NCOA3: variants seen among roughly 807,000 people sequenced by gnomAD.
NCOA3 encodes the protein CBP-interacting protein.
In NCOA3, 51 loss-of-function variants were observed where a neutral mutation model predicts 158.8. The ratio of observed to expected loss-of-function variants is 0.32; its 90% CI spans 0.26 to 0.41. The LOEUF is 0.41. NCOA3 is among the 10% of genes least tolerant of loss of function. The pLI, the probability that NCOA3 is intolerant of heterozygous loss-of-function variation, is 1.00. For synonymous variants in NCOA3, 537 were observed against 592.4 expected, an observed-to-expected ratio of 0.91 and a Z score of 1.36; for missense variants, 1,510 against 1,746.6, an observed-to-expected ratio of 0.86 and a Z score of 2.41.
chr20:47,506,111 C>G (rs2084028549), intron 1 of NCOA3, among the ~76,000 whole-genome samples: 1 of 152,060 alleles, frequency 6.6e-6, no homozygotes, highest in South Asian at 2.1e-4. Flanking sequence ...GGCCCATTTT[C>G]TCCCATTTTA....
In NCOA3 at chr20:47,507,597, C is replaced by T. The variant is rs557477078; in HGVS notation, c.-99+5578C>T. Among the ~76,000 whole-genome samples, 7 of 146,712 alleles carry T rather than the reference C, an allele frequency of 4.8e-5. No homozygotes were observed. The South Asian group carries it at 1.6e-3, about 34-fold the overall frequency. On this transcript the variant is annotated intron_variant, in intron 1 of 22. Transcript: ENST00000371998. ...TTAAATTTAACCCTGATCCTTAGAG[C>T]ACCCAACAACTTTTTGTTGTTGTTG... is the stretch of plus-strand genomic sequence containing the variant.
intron 1 of NCOA3, among the ~76,000 whole-genome samples, chr20:47,536,390 C>T (rs914066442): frequency 5.3e-5 from 8 of 152,186 alleles, no homozygotes; most frequent in Non-Finnish European, 1.2e-4. Flanking sequence ...GCCCCCTATC[C>T]GGCCAGTGAA....
chr20:47,639,230 A>T (rs1348717438), intron 14 of NCOA3, 28 bp downstream of exon 14: 2 of 1,551,992 alleles, frequency 1.3e-6, no homozygotes. Flanking sequence ...AGTATGTATG[A>T]TTATTTTGGG....
rs372613138 is a variant in NCOA3 at position 47,595,289 on chromosome 20, G to C, written c.-20+12028G>C. Among the ~76,000 whole-genome samples, 7 of 150,606 alleles carry C rather than the reference G, an allele frequency of 4.6e-5. No homozygotes were observed. In the East Asian group the frequency reaches 1.4e-3, roughly 30 times the overall value. ...AATTTTTTATTTTTAGTAGAGATGG[G>C]GTTTCACCATGTTGGCCAGGCTGGT... On this transcript the variant is annotated intron_variant, in intron 2 of 22. Coordinates refer to ENST00000371998, the MANE Select transcript of NCOA3 (RefSeq NM_181659.3).
chr20:47,535,982 C>T (rs1031270614), intron 1 of NCOA3, among the ~76,000 whole-genome samples: 3 of 152,034 alleles, frequency 2.0e-5, no homozygotes, highest in Admixed American at 6.6e-5. Context: ...GGCTGGCTGG[C>T]GCTGCTGGTG....
In NCOA3 at chr20:47,582,058, C is replaced by A. The variant is rs149227626; in HGVS notation, c.-98-1125C>A. Among the ~76,000 whole-genome samples, 747 of 152,082 alleles carry A rather than the reference C, an allele frequency of 4.9e-3. 8 individuals are homozygous for A. The highest frequency in any genetic ancestry group is 0.017 in the African/African-American group (710 of 41,474). ...GCACTGATTTTGGACAAATGAATAC[C>A]CCCACAAGTTCAGAGTACCCATCTG... On this transcript the variant is annotated intron_variant, in intron 1 of 22. Coordinates refer to ENST00000371998, the MANE Select transcript of NCOA3 (RefSeq NM_181659.3).
intron 1 of NCOA3, among the ~76,000 whole-genome samples, chr20:47,519,299 G>T: frequency 6.6e-6 from 1 of 151,898 alleles, no homozygotes; most frequent in Non-Finnish European, 1.5e-5. Context: ...AGGCGTGGTG[G>T]CGTGTGCCTG....
intron 1 of NCOA3, among the ~76,000 whole-genome samples, chr20:47,566,862 T>G (rs2146192859): frequency 6.6e-6 from 1 of 152,110 alleles, no homozygotes; most frequent in African/African-American, 2.4e-5. Context: ...CGTGTACCTG[T>G]AGTCCTGAGT....
At chr20:47,633,985 C>A in intron 9 of NCOA3, 63 bp from the exon 10 acceptor site, 1 of 1,555,068 alleles carries the variant, frequency 6.4e-7, no homozygotes, top group East Asian at 2.3e-5. Context: ...CCTCCCTGTC[C>A]CCTCCTATAT....
chr20:47,630,606 G>A (rs2086398415), intron 8 of NCOA3: 1 of 152,194 alleles, frequency 6.6e-6, no homozygotes, highest in African/African-American at 2.4e-5. Context: ...GGGACTACAG[G>A]TATGTGCCAC....
chr20:47,639,658 T>C lies in NCOA3; in HGVS notation c.2789T>C (p.Met930Thr). 6.2e-7 allele frequency: 1 copy of C among 1,614,032 alleles called. No individual in the cohort carries two copies. The highest frequency in any genetic ancestry group is 1.1e-5 in the South Asian group (1 of 91,078). ...TTACCAAACTCAAAGGCCGGCAGAA[T>C]GGAACCTATGAATTCAAACTCCATG... The part of the protein sequence containing the change: ...WGLPNSKAGR[M>T]EPMNSNSMGR... The change falls in exon 15 of 23, where the codon ATG becomes ACG. Residue 930 changes from methionine (M) to threonine (T), a missense_variant. Transcript: ENST00000371998.
At chr20:47,545,334 G>A (rs1027846568) in intron 1 of NCOA3, among the ~76,000 whole-genome samples, 7 of 151,824 alleles carry the variant, frequency 4.6e-5, no homozygotes, top group African/African-American at 1.2e-4. Context: ...GTACTACCAC[G>A]CCCAGCTAAT....
chr20:47,522,637 G>T (rs746787331), intron 1 of NCOA3, among the ~76,000 whole-genome samples: 97 of 151,984 alleles, frequency 6.4e-4, no homozygotes, highest in Non-Finnish European at 7.1e-4. Context: ...AATCATTCGC[G>T]TAGCCCGTGA....
intron 16 of NCOA3, among the ~76,000 whole-genome samples, chr20:47,640,596 G>A (rs1380319016): frequency 6.6e-6 from 1 of 151,874 alleles, no homozygotes; most frequent in African/African-American, 2.4e-5. Flanking sequence ...AATAAAGATT[G>A]TAGGCCCGGT....
intron 20 of NCOA3, 46 bp from the exon 21 acceptor site, chr20:47,652,360 A>G (rs931775006): frequency 4.6e-6 from 7 of 1,522,336 alleles, no homozygotes; most frequent in Non-Finnish European, 3.6e-6. Context: ...TATTCTAAGG[A>G]GAAGGCATTT....
chr20:47,511,556 T>TATATATA (rs1569310943), intron 1 of NCOA3, among the ~76,000 whole-genome samples: 2 of 30,198 alleles, frequency 6.6e-5, no homozygotes, highest in Non-Finnish European at 2.1e-4. Flanking sequence ...TATATATATA[T>TATATATA]TTCTTTTTTT....
intron 1 of NCOA3, among the ~76,000 whole-genome samples, chr20:47,519,970 G>C (rs1245973168): frequency 6.8e-6 from 1 of 148,080 alleles, no homozygotes; most frequent in East Asian, 2.0e-4. Flanking sequence ...CACCATGTTG[G>C]TCAGGCTGGT....
At chr20:47,502,982 A>C (rs2083965967) in intron 1 of NCOA3, among the ~76,000 whole-genome samples, 1 of 152,188 alleles carries the variant, frequency 6.6e-6, no homozygotes, top group African/African-American at 2.4e-5. Context: ...CCCCTCCCGA[A>C]TGCGAAGACT....
intron 2 of NCOA3, among the ~76,000 whole-genome samples, chr20:47,585,975 C>G (rs1340971179): frequency 6.7e-6 from 1 of 148,582 alleles, no homozygotes; most frequent in Non-Finnish European, 1.5e-5. Context: ...GCTTGGAGTG[C>G]AATGGCGCGA....
Sources: gnomAD v4.1 joint callset for allele counts (sites outside exome capture counted in the v4.1 genomes callset) on GRCh38, gnomAD v4.1.1 for gene constraint, MANE v1.5 for transcripts, NCBI Gene and HGNC (gene_info 2026-07-23, HGNC 2026-07-21) for gene names.